The following ZFR variants were observed in gnomAD, a reference collection of about 807,000 sequenced individuals.
ZFR encodes zinc finger RNA binding protein.
Under a neutral mutation model 130.7 loss-of-function variants are expected in ZFR, and 19 were observed. That is an observed-to-expected ratio of 0.15 (90% CI 0.10 to 0.21). The LOEUF (loss-of-function observed/expected upper bound fraction) is 0.21. Among genes scored for constraint, ZFR ranks in the 10% least tolerant of loss-of-function variants. The pLI, the probability that ZFR is intolerant of heterozygous loss-of-function variation, is 1.00. For missense variants in ZFR, 872 were observed against 1,321.5 expected (o/e 0.66, Z 5.27); for synonymous variants, 466 against 456.9 (o/e 1.02, Z -0.25).
chr5:32,397,604 A>C (rs1753343810), intron 9 of ZFR, among the ~76,000 whole-genome samples: 2 of 151,876 alleles, frequency 1.3e-5, no homozygotes, highest in South Asian at 4.2e-4. Context: ...AAGGTATGTA[A>C]CACCACCACG....
Position 32,444,211 on chromosome 5 carries a change from A to T in ZFR, c.137+18T>A, listed in dbSNP as rs2111888376. ...GGGAGAGCAAGGGGCGAACAGAGAGAAGGCAGGATGCCGTTACCTATATTG... is the reference window on the plus strand; with the variant it reads ...GGGAGAGCAAGGGGCGAACAGAGAGTAGGCAGGATGCCGTTACCTATATTG... On this transcript the variant is annotated intron_variant, in intron 2 of 19. Coordinates refer to ENST00000265069, the MANE Select transcript of ZFR (RefSeq NM_016107.5). 1.3e-6 allele frequency: 2 copies of T among 1,594,402 alleles called. No individual in the cohort carries two copies. The highest frequency in any genetic ancestry group is 1.7e-6 in the Non-Finnish European group (2 of 1,171,616).
At chr5:32,390,076 G>T (rs1753129276) in intron 12 of ZFR, among the ~76,000 whole-genome samples, 199 bp downstream of exon 12, 3 of 152,180 alleles carry the variant, frequency 2.0e-5, no homozygotes, top group Admixed American at 1.3e-4. Flanking sequence ...GCTTGAACCT[G>T]GGAAGCGCAC....
intron 2 of ZFR, among the ~76,000 whole-genome samples, chr5:32,433,344 G>A (rs546286612): frequency 1.3e-5 from 2 of 152,160 alleles, no homozygotes; most frequent in East Asian, 1.9e-4. Flanking sequence ...TAGTAAACCC[G>A]AATTTTTATT....
chr5:32,387,399 C>T, intron 14 of ZFR, 150 bp downstream of exon 14: 1 of 727,468 alleles, frequency 1.4e-6, no homozygotes, highest in African/African-American at 1.8e-5. Context: ...ATAGTTTCAT[C>T]AGTTTGCACA....
At chr5:32,409,112 T>C (rs1015694113) in intron 5 of ZFR, among the ~76,000 whole-genome samples, 3 of 152,216 alleles carry the variant, frequency 2.0e-5, no homozygotes, top group African/African-American at 4.8e-5. Context: ...TTCTGTCAAC[T>C]AGGAATCTCT....
chr5:32,420,237 A>G, intron 2 of ZFR, 134 bp from the exon 3 acceptor site: 5 of 1,021,042 alleles, frequency 4.9e-6, no homozygotes, highest in Non-Finnish European at 6.7e-6. Flanking sequence ...CAAAAGGTCA[A>G]GTACTTGAAC....
chr5:32,414,035 TTTC>T (rs150912061), intron 5 of ZFR, among the ~76,000 whole-genome samples: 3,966 of 152,226 alleles, frequency 0.026, 181 homozygotes, highest in African/African-American at 0.092. Flanking sequence ...CACCGCTCCA[TTTC>T]TTAATATAGC....
chr5:32,409,431 C>G (rs995620830), intron 5 of ZFR, among the ~76,000 whole-genome samples: 2 of 151,864 alleles, frequency 1.3e-5, no homozygotes, highest in South Asian at 2.1e-4. Context: ...CCCCACCCCC[C>G]CATTTTTTTT....
At chr5:32,402,529 T>G (rs1213198943) in intron 8 of ZFR, among the ~76,000 whole-genome samples, 1 of 151,746 alleles carries the variant, frequency 6.6e-6, no homozygotes, top group Non-Finnish European at 1.5e-5. Flanking sequence ...ACTTTGGAAG[T>G]TGAGGCAGGC....
At position 32,420,110 on chromosome 5, in the gene ZFR, TG is replaced by T; in HGVS notation, c.138-8del. ...ACCCGAAGCTGGCTGCTGGCTACAT[TG>T]TGGAGTACAAGAATAAATATAATAC... is the stretch of plus-strand genomic sequence containing the variant. On this transcript the variant is annotated splice_region_variant and splice_polypyrimidine_tract_variant and intron_variant, in intron 2 of 19. Transcript: ENST00000265069. 1 of 1,553,218 alleles carries T rather than the reference TG, an allele frequency of 6.4e-7. No homozygotes were observed. Among genetic ancestry groups the T allele is most frequent in the Non-Finnish European group, 8.7e-7 (1 of 1,145,732 alleles).
At chr5:32,436,139 TC>T (rs1754326712) in intron 2 of ZFR, among the ~76,000 whole-genome samples, 2 of 109,992 alleles carry the variant, frequency 1.8e-5, no homozygotes, top group African/African-American at 3.5e-5. Flanking sequence ...ACAGTTGTAT[TC>T]TTTTTTTTTT....
Position 32,368,282 on chromosome 5 carries a change from C to T in ZFR, c.2836-4007G>A, listed in dbSNP as rs556550903. On this transcript the variant is annotated intron_variant, in intron 17 of 19. Coordinates refer to ENST00000265069, the MANE Select transcript of ZFR (RefSeq NM_016107.5). ...AGAGACGGAGTTTCACTCTTGTTGT[C>T]CAGGCTGCAATGGCGTGATCTCAGC... Among the ~76,000 whole-genome samples the T allele has an allele frequency of 3.4e-4, 52 of 152,338 alleles. 1 individual carries two copies. The highest frequency in any genetic ancestry group is 1.2e-3 in the African/African-American group (50 of 41,578).
At chr5:32,388,788 C>T in intron 12 of ZFR, 114 bp from the exon 13 acceptor site, 2 of 1,014,436 alleles carry the variant, frequency 2.0e-6, no homozygotes, top group Non-Finnish European at 2.8e-6. Flanking sequence ...CCTTTATCTT[C>T]TTTTTTCCAT....
intron 1 of ZFR, 121 bp downstream of exon 1, chr5:32,444,501 C>A: frequency 5.3e-6 from 7 of 1,318,460 alleles, no homozygotes; most frequent in Non-Finnish European, 5.9e-6. Context: ...CTCACTCACT[C>A]GCACGCCCGG....
intron 8 of ZFR, among the ~76,000 whole-genome samples, 172 bp from the exon 9 acceptor site, chr5:32,400,375 A>G (rs922366597): frequency 6.6e-6 from 1 of 152,130 alleles, no homozygotes; most frequent in Non-Finnish European, 1.5e-5. Context: ...TTTTTACCCT[A>G]TTAGTGAAAT....
At chr5:32,370,182 C>A (rs905081071) in intron 17 of ZFR, among the ~76,000 whole-genome samples, 2 of 149,634 alleles carry the variant, frequency 1.3e-5, no homozygotes, top group Admixed American at 6.7e-5. Context: ...TTGCCTCAGT[C>A]TCTTGAGTAC....
chr5:32,400,494 T>C (rs115283020), intron 8 of ZFR, among the ~76,000 whole-genome samples: 2,561 of 152,336 alleles, frequency 0.017, 38 homozygotes, highest in Non-Finnish European at 0.026. Context: ...GCCTAATTGA[T>C]GTTTGTAGCC....
At chr5:32,423,997 C>T (rs1312325151) in intron 2 of ZFR, among the ~76,000 whole-genome samples, 1 of 152,184 alleles carries the variant, frequency 6.6e-6, no homozygotes, top group African/African-American at 2.4e-5. Context: ...ACAACCTTTT[C>T]TTAGGAAGCT....
chr5:32,386,818 T>A (rs1355687111), intron 14 of ZFR, among the ~76,000 whole-genome samples: 1 of 152,166 alleles, frequency 6.6e-6, no homozygotes, highest in Non-Finnish European at 1.5e-5. Flanking sequence ...TACTGTAGAA[T>A]ACATGTTACC....
Sources: gnomAD v4.1 joint callset for allele counts (sites outside exome capture counted in the v4.1 genomes callset) on GRCh38, gnomAD v4.1.1 for gene constraint, MANE v1.5 for transcripts, NCBI Gene and HGNC (gene_info 2026-07-23, HGNC 2026-07-21) for gene names.